ARHGAP10: variants seen among roughly 807,000 people sequenced by gnomAD.
The protein encoded by ARHGAP10 is Rho GTPase activating protein 10.
ARHGAP10 carries 87 observed loss-of-function variants against 108.6 expected under a neutral mutation model. The ratio of observed to expected loss-of-function variants is 0.80; its 90% CI spans 0.67 to 0.96. ARHGAP10 has a LOEUF of 0.96. ARHGAP10 is among the 40% of genes least tolerant of loss of function. The pLI, the probability that ARHGAP10 is intolerant of heterozygous loss-of-function variation, is 0.00. For synonymous variants in ARHGAP10, 347 were observed against 341.1 expected (o/e 1.02, Z -0.19); for missense variants, 939 against 954.5 (o/e 0.98, Z 0.21).
chr4:147,975,221 G>C (rs529746485), intron 18 of ARHGAP10, among the ~76,000 whole-genome samples: 1 of 152,264 alleles, frequency 6.6e-6, no homozygotes, highest in East Asian at 1.9e-4. Context: ...GTGTGACAGT[G>C]GAGGCCATTG....
intron 20 of ARHGAP10, among the ~76,000 whole-genome samples, chr4:148,055,073 C>G (rs983729137): frequency 2.0e-5 from 3 of 152,236 alleles, no homozygotes; most frequent in African/African-American, 7.2e-5. Flanking sequence ...TTACCTGATT[C>G]CACACTGATC....
chr4:147,897,303 A>G (rs1371474432), intron 10 of ARHGAP10, among the ~76,000 whole-genome samples: 16 of 151,752 alleles, frequency 1.1e-4, no homozygotes, highest in Admixed American at 3.9e-4. Context: ...GGGTTTTGCT[A>G]TGTTGCCCAG....
At chr4:147,783,037 AT>A (rs1730615262) in intron 1 of ARHGAP10, among the ~76,000 whole-genome samples, 1 of 141,528 alleles carries the variant, frequency 7.1e-6, no homozygotes, top group Non-Finnish European at 1.5e-5. Context: ...ATATATATAA[AT>A]TATATACTAT....
chr4:147,928,400 T>G (rs761621749), intron 13 of ARHGAP10, among the ~76,000 whole-genome samples: 1 of 152,160 alleles, frequency 6.6e-6, no homozygotes, highest in Non-Finnish European at 1.5e-5. Context: ...CTGGTTTGTT[T>G]GGGAGTGGGA....
intron 1 of ARHGAP10, among the ~76,000 whole-genome samples, chr4:147,739,584 C>T (rs111710828): frequency 9.2e-5 from 14 of 152,098 alleles, no homozygotes; most frequent in East Asian, 7.7e-4. Context: ...TAAAAGAAGA[C>T]GACCAGAGAC....
At position 148,063,207 on chromosome 4, in the gene ARHGAP10, C is replaced by T; in HGVS notation, c.2087C>T (p.Thr696Ile). ...QWLNPQSPTT[T>I]SSNSAVTPLS... Reference sequence around the variant, plus strand: ...CTTAACCCACAGTCTCCAACCACAACAAGCTCCAACTCAGCTGTGACACCT... The same window carrying T: ...CTTAACCCACAGTCTCCAACCACAATAAGCTCCAACTCAGCTGTGACACCT... Residue 696 changes from threonine (T) to isoleucine (I), a missense_variant, in exon 21 of 23, where the codon ACA becomes ATA. Physicochemically the swap from Thr to Ile is moderately conservative, Grantham distance 89 (BLOSUM62 -1). Transcript: ENST00000336498. 1 of 1,614,228 alleles carries T rather than the reference C, an allele frequency of 6.2e-7. No individual in the cohort carries two copies. Among genetic ancestry groups the T allele is most frequent in the Non-Finnish European group, 8.5e-7 (1 of 1,180,038 alleles).
chr4:148,016,621 C>G (rs1407703808), intron 18 of ARHGAP10, among the ~76,000 whole-genome samples: 1 of 152,138 alleles, frequency 6.6e-6, no homozygotes, highest in Non-Finnish European at 1.5e-5. Context: ...TTCCTACACA[C>G]CAAGCAAGCA....
chr4:148,005,323 G>C (rs869762), intron 18 of ARHGAP10, among the ~76,000 whole-genome samples: 21,530 of 152,006 alleles, frequency 0.14, 2,411 homozygotes, highest in African/African-American at 0.31. Context: ...CTGGCTCATG[G>C]CTGAAATCTG....
At chr4:147,903,499 C>T (rs982781282) in intron 10 of ARHGAP10, among the ~76,000 whole-genome samples, 10 of 152,190 alleles carry the variant, frequency 6.6e-5, no homozygotes, top group African/African-American at 2.4e-4. Flanking sequence ...CATTAGGGCT[C>T]ACTCTTGGAT....
At chr4:147,995,756 A>C (rs1277932986) in intron 18 of ARHGAP10, among the ~76,000 whole-genome samples, 1 of 151,900 alleles carries the variant, frequency 6.6e-6, no homozygotes, top group African/African-American at 2.4e-5. Flanking sequence ...TTGCTCTGTC[A>C]CCCAGGCTGG....
At chr4:147,993,557 G>C (rs1213697491) in intron 18 of ARHGAP10, among the ~76,000 whole-genome samples, 1 of 152,220 alleles carries the variant, frequency 6.6e-6, no homozygotes, top group African/African-American at 2.4e-5. Flanking sequence ...CCAATATTTA[G>C]TGAGAAAGTC....
At chr4:147,811,967 C>T (rs974255698) in intron 1 of ARHGAP10, among the ~76,000 whole-genome samples, 15 of 152,266 alleles carry the variant, frequency 9.9e-5, no homozygotes, top group Admixed American at 1.3e-4. Context: ...GCCTTATCAA[C>T]GAGGCGGCTG....
chr4:147,983,986 T>C (rs1183780580), intron 18 of ARHGAP10, among the ~76,000 whole-genome samples: 1 of 152,204 alleles, frequency 6.6e-6, no homozygotes, highest in Non-Finnish European at 1.5e-5. Flanking sequence ...TTTATTCTTT[T>C]TGTCCTTGGG....
At chr4:147,752,870 T>G (rs1729219359) in intron 1 of ARHGAP10, among the ~76,000 whole-genome samples, 1 of 152,230 alleles carries the variant, frequency 6.6e-6, no homozygotes, top group South Asian at 2.1e-4. Flanking sequence ...TTAAATTTGC[T>G]GCTTATCTCA....
At chr4:148,036,079 T>C (rs1728365451) in intron 19 of ARHGAP10, among the ~76,000 whole-genome samples, 1 of 151,678 alleles carries the variant, frequency 6.6e-6, no homozygotes, top group African/African-American at 2.4e-5. Flanking sequence ...TGTGTGTGTG[T>C]GTGTGTGTGT....
In ARHGAP10 at chr4:147,804,064, C is replaced by T. The variant is rs577702281; in HGVS notation, c.155-18663C>T. On this transcript the variant is annotated intron_variant, in intron 1 of 22. Transcript: ENST00000336498. ...TTTGTTATATAGGTAAACTGTGTGT[C>T]ACGGGGGTTTGGTGTACAGATTATT... Among the ~76,000 whole-genome samples, 51 of 148,322 alleles carry T rather than the reference C, an allele frequency of 3.4e-4. No individual in the cohort carries two copies. The South Asian group carries it at 0.01, about 30-fold the overall frequency.
At chr4:147,785,971 C>A (rs1391674597) in intron 1 of ARHGAP10, among the ~76,000 whole-genome samples, 6 of 152,094 alleles carry the variant, frequency 3.9e-5, no homozygotes, top group African/African-American at 1.4e-4. Flanking sequence ...ACTCCTTTTA[C>A]AGGTCAAACT....
chr4:147,848,745 A>G (rs1436348335), intron 4 of ARHGAP10, among the ~76,000 whole-genome samples: 7 of 152,226 alleles, frequency 4.6e-5, no homozygotes, highest in African/African-American at 7.2e-5. Context: ...CTTGCCATCT[A>G]TTCTACTGGA....
chr4:147,926,971 C>T (rs902831775), intron 13 of ARHGAP10, among the ~76,000 whole-genome samples: 4 of 151,928 alleles, frequency 2.6e-5, no homozygotes, highest in African/African-American at 9.7e-5. Flanking sequence ...GGTATTATCC[C>T]CATTCGCATG....
Sources: allele counts gnomAD v4.1 joint callset (sites outside exome capture counted in the v4.1 genomes callset), GRCh38; gene constraint gnomAD v4.1.1; transcripts MANE v1.5; gene names NCBI Gene and HGNC (gene_info 2026-07-23, HGNC 2026-07-21).